Variants in RPS6KC1 observed in about 807,000 individuals in gnomAD.
The protein encoded by RPS6KC1 is ribosomal protein S6 kinase C1.
Under a neutral mutation model 103.8 loss-of-function variants are expected in RPS6KC1, and 54 were observed. The ratio of observed to expected loss-of-function variants is 0.52; its 90% CI spans 0.42 to 0.65. RPS6KC1 has a LOEUF of 0.65. Ranked by LOEUF, RPS6KC1 falls within the 30% of genes least tolerant of loss-of-function variation. RPS6KC1 has a pLI of 0.00. For synonymous variants in RPS6KC1, 439 were observed against 438.7 expected (o/e 1.00, Z -0.01); for missense variants, 1,151 against 1,253.8 (o/e 0.92, Z 1.24).
the RPS6KC1 span, among the ~76,000 whole-genome samples, chr1:213,602,120 C>CTTCCTTTCTT: frequency 1.9e-4 from 1 of 5,154 alleles, no homozygotes; most frequent in Non-Finnish European, 3.7e-4. Flanking sequence ...TTCTTTCTTT[C>CTTCCTTTCTT]TCTTTCTTTC....
chr1:213,803,531 G>A, the RPS6KC1 span, among the ~76,000 whole-genome samples: 1 of 152,142 alleles, frequency 6.6e-6, no homozygotes, highest in East Asian at 1.9e-4. Context: ...ACAGGCATGA[G>A]CCCCCACACC....
the RPS6KC1 span, among the ~76,000 whole-genome samples, chr1:213,469,838 A>G: frequency 6.6e-6 from 1 of 152,220 alleles, no homozygotes; most frequent in Non-Finnish European, 1.5e-5. Context: ...GCAACATATC[A>G]AGACCCCATC....
the RPS6KC1 span, among the ~76,000 whole-genome samples, chr1:213,292,737 A>G: frequency 1.3e-5 from 2 of 152,348 alleles, no homozygotes; most frequent in South Asian, 4.1e-4. Context: ...AGGATTATGC[A>G]AATTCACATA....
At chr1:213,392,390 C>T in the RPS6KC1 span, among the ~76,000 whole-genome samples, 2,675 of 151,872 alleles carry the variant, frequency 0.018, 84 homozygotes, top group African/African-American at 0.06. Context: ...CAGGGTGGCA[C>T]GATACAAGCA....
At chr1:213,775,263 A>G in the RPS6KC1 span, among the ~76,000 whole-genome samples, 1 of 152,218 alleles carries the variant, frequency 6.6e-6, no homozygotes, top group Non-Finnish European at 1.5e-5. Flanking sequence ...TTTATATAGA[A>G]TAAAATATAT....
chr1:213,211,570 A>G (rs1174260803), intron 8 of RPS6KC1, among the ~76,000 whole-genome samples: 7 of 152,214 alleles, frequency 4.6e-5, no homozygotes, highest in Non-Finnish European at 1.0e-4. Flanking sequence ...AGCAGGTTTT[A>G]TAAAGTAATA....
At chr1:213,461,311 T>C in the RPS6KC1 span, among the ~76,000 whole-genome samples, 1 of 152,230 alleles carries the variant, frequency 6.6e-6, no homozygotes, top group Non-Finnish European at 1.5e-5. Flanking sequence ...AAACATTCCA[T>C]GCTTATGGAT....
chr1:213,734,801 C>T, the RPS6KC1 span, among the ~76,000 whole-genome samples: 2 of 152,242 alleles, frequency 1.3e-5, no homozygotes, highest in Non-Finnish European at 2.9e-5. Context: ...CTACTTTGCC[C>T]TTGCACCTGG....
chr1:213,335,106 T>C, the RPS6KC1 span, among the ~76,000 whole-genome samples: 8 of 152,318 alleles, frequency 5.3e-5, no homozygotes, highest in African/African-American at 1.9e-4. Flanking sequence ...ATGTGGGAGC[T>C]AAGGCTTAGA....
chr1:213,241,671 T>C lies in RPS6KC1; in HGVS notation c.2195T>C (p.Leu732Ser), dbSNP rs2094356403. 2 of 1,613,810 alleles carry C rather than the reference T, an allele frequency of 1.2e-6. No homozygotes were observed. Among genetic ancestry groups the C allele is most frequent in the Non-Finnish European group, 1.7e-6 (2 of 1,179,956 alleles). ...AAACTCTTGGAAGCCCCTGATGTTTTATGCCTCAGGCTTAGTACTGAACAA... is the reference window on the plus strand; with the variant it reads ...AAACTCTTGGAAGCCCCTGATGTTTCATGCCTCAGGCTTAGTACTGAACAA... ...ENKLLEAPDV[L>S]CLRLSTEQCQ... is the part of the protein sequence containing the mutation. Residue 732 changes from leucine to serine, a missense_variant, in exon 11 of 15, where the codon TTA becomes TCA. Around this residue, in one of 3 missense-constraint regions of RPS6KC1, gnomAD observed 959 missense variants for 1,006.3 expected, o/e 0.95. Transcript: ENST00000366960.
chr1:213,148,259 T>C (rs892432190), intron 6 of RPS6KC1, among the ~76,000 whole-genome samples: 2 of 152,194 alleles, frequency 1.3e-5, no homozygotes, highest in African/African-American at 4.8e-5. Flanking sequence ...GTCATGTTCC[T>C]GATCTAAGAG....
the RPS6KC1 span, among the ~76,000 whole-genome samples, chr1:213,716,059 G>A: frequency 6.6e-6 from 1 of 152,154 alleles, no homozygotes; most frequent in Non-Finnish European, 1.5e-5. Context: ...AGTCTAGCAA[G>A]TTTGGGAAAT....
chr1:213,057,938 G>C (rs1378057672), intron 1 of RPS6KC1, among the ~76,000 whole-genome samples: 3 of 147,834 alleles, frequency 2.0e-5, no homozygotes, highest in African/African-American at 7.5e-5. Flanking sequence ...GCTAATTTTT[G>C]TATTTTTTAA....
At chr1:213,335,124 A>C in the RPS6KC1 span, among the ~76,000 whole-genome samples, 1 of 152,260 alleles carries the variant, frequency 6.6e-6, no homozygotes, top group East Asian at 1.9e-4. Flanking sequence ...AGAGAAGCAC[A>C]CAGGGGAAGA....
the RPS6KC1 span, among the ~76,000 whole-genome samples, chr1:213,653,868 A>C: frequency 1.3e-5 from 2 of 152,230 alleles, no homozygotes; most frequent in Non-Finnish European, 2.9e-5. Context: ...GAGAATGGTA[A>C]AGGTGATAGG....
chr1:213,431,920 A>G, the RPS6KC1 span, among the ~76,000 whole-genome samples: 3 of 152,180 alleles, frequency 2.0e-5, no homozygotes, highest in Non-Finnish European at 2.9e-5. Flanking sequence ...AGTTGACAAC[A>G]GCAAGGTATG....
chr1:213,151,099 G>A (rs1340221407), intron 6 of RPS6KC1, among the ~76,000 whole-genome samples: 4 of 146,738 alleles, frequency 2.7e-5, no homozygotes, highest in Admixed American at 6.7e-5. Flanking sequence ...CTCCCGGATG[G>A]GGGGGCTGGC....
chr1:213,719,031 T>G, the RPS6KC1 span, among the ~76,000 whole-genome samples: 1 of 152,168 alleles, frequency 6.6e-6, no homozygotes, highest in African/African-American at 2.4e-5. Context: ...GGGGCAGAGA[T>G]GTTTGTTCAT....
chr1:213,728,392 G>A, the RPS6KC1 span, among the ~76,000 whole-genome samples: 6 of 152,112 alleles, frequency 3.9e-5, no homozygotes, highest in African/African-American at 1.4e-4. Flanking sequence ...CGCAGCCCAA[G>A]GTACATTAAA....
Sources: gnomAD v4.1 joint callset for allele counts (sites outside exome capture counted in the v4.1 genomes callset) on GRCh38, gnomAD v4.1.1 for gene constraint, gnomAD v4.1.1 regional missense constraint, MANE v1.5 for transcripts, NCBI Gene and HGNC (gene_info 2026-07-23, HGNC 2026-07-21) for gene names.